Variants in AGA observed in about 807,000 individuals in gnomAD.
The protein encoded by AGA is aspartylglucosaminidase.
In AGA, 31 loss-of-function variants were observed where a neutral mutation model predicts 40.1. The ratio of observed to expected loss-of-function variants is 0.77; its 90% confidence interval spans 0.58 to 1.04. The LOEUF (loss-of-function observed/expected upper bound fraction) is 1.04. Among genes scored for constraint, AGA ranks in the 50% least tolerant of loss-of-function variants. The pLI is 0.00. For synonymous variants in AGA, 148 were observed against 144.0 expected, an observed-to-expected ratio of 1.03 and a Z score of -0.20; for missense variants, 445 against 435.4, an observed-to-expected ratio of 1.02 and a Z score of -0.20.
Position 177,433,358 on chromosome 4 carries a change from C to CA in AGA, c.807-12dup, listed in dbSNP as rs749999445. The CA allele has an allele frequency of 3.7e-5, 59 of 1,613,964 alleles. No homozygotes were observed. In the East Asian group the frequency reaches 1.3e-3, roughly 35 times the overall value. On this transcript the variant is annotated splice_polypyrimidine_tract_variant and intron_variant, in intron 7 of 8. Transcript: ENST00000264595. ...TCTACAGCTTGGTAGCTGATTGAAA[C>CA]AGAGGTGAAACCTTAGTGTCTCAGA...
At chr4:177,435,861 A>G (rs1050021314) in intron 6 of AGA, among the ~76,000 whole-genome samples, 18 of 151,356 alleles carry the variant, frequency 1.2e-4, no homozygotes, top group East Asian at 7.8e-4. Context: ...GCACACACAC[A>G]CACACACACA....
intron 7 of AGA, among the ~76,000 whole-genome samples, chr4:177,434,015 C>T (rs1736713157): frequency 6.6e-6 from 1 of 152,088 alleles, no homozygotes; most frequent in Non-Finnish European, 1.5e-5. Context: ...TTTCTTGAGA[C>T]ACAGTCTCAT....
intron 4 of AGA, 32 bp from the exon 5 acceptor site, chr4:177,437,551 A>C (rs1736865087): frequency 6.6e-7 from 1 of 1,506,122 alleles, no homozygotes; most frequent in Non-Finnish European, 9.2e-7. Context: ...TATTTCTTAC[A>C]AAGGGTATTT....
chr4:177,431,889 C>A, intron 8 of AGA, 81 bp from the exon 9 acceptor site: 1 of 1,189,192 alleles, frequency 8.4e-7, no homozygotes, highest in Admixed American at 1.9e-5. Context: ...GCTTATTTGA[C>A]TAGACACTGG....
At chr4:177,435,922 C>G (rs1230435149) in intron 6 of AGA, among the ~76,000 whole-genome samples, 1 of 152,090 alleles carries the variant, frequency 6.6e-6, no homozygotes, top group Non-Finnish European at 1.5e-5. Context: ...CACACATACA[C>G]ACACCCCAGT....
intron 8 of AGA, among the ~76,000 whole-genome samples, chr4:177,432,569 G>A (rs1736665337): frequency 6.6e-6 from 1 of 152,126 alleles, no homozygotes; most frequent in South Asian, 2.1e-4. Flanking sequence ...GGAAGTAAAA[G>A]ATCAAAGAAC....
At chr4:177,441,560 G>A (rs987968889) in intron 1 of AGA, among the ~76,000 whole-genome samples, 1 of 152,200 alleles carries the variant, frequency 6.6e-6, no homozygotes, top group Non-Finnish European at 1.5e-5. Flanking sequence ...GTCAGGGAAC[G>A]CTTCCTGGAA....
At position 177,431,186 on chromosome 4, in the gene AGA, T is replaced by C. The variant is rs1204357015; in HGVS notation, c.*522A>G. On this transcript the variant is annotated 3_prime_UTR_variant, in exon 9 of 9. Transcript: ENST00000264595. Reference sequence around the variant, plus strand: ...TAGTATGTACAAAACAAAGAGTATCTCATGTTCTATCATCTTCCTTCCTCA... The same window carrying C: ...TAGTATGTACAAAACAAAGAGTATCCCATGTTCTATCATCTTCCTTCCTCA... The C allele has an allele frequency of 4.6e-6, 2 of 439,416 alleles. No homozygotes were observed. The highest frequency in any genetic ancestry group is 3.3e-5 in the South Asian group (2 of 60,808). 27.2% of individuals were successfully genotyped at this position (439,416 alleles called of 1,614,324 possible).
At chr4:177,442,226 C>A (rs1227815943) in intron 1 of AGA, 23 bp downstream of exon 1, 1 of 1,612,606 alleles carries the variant, frequency 6.2e-7, no homozygotes, top group Admixed American at 1.7e-5. Flanking sequence ...GCGCAGCCGC[C>A]CGCCCAGGCC....
chr4:177,431,711 G>C lies in AGA; in HGVS notation c.1038C>G (p.Ile346Met). 2.5e-6 allele frequency: 4 copies of C among 1,606,714 alleles called. No individual in the cohort carries two copies. Among genetic ancestry groups the C allele is most frequent in the Non-Finnish European group, 3.4e-6 (4 of 1,173,426 alleles). Reference sequence around the variant, plus strand: ...AGATGTTGACAGTAAAGATGGATTAGATGCAGTCCACTTTTTCCTCAGTTG... The same window carrying C: ...AGATGTTGACAGTAAAGATGGATTACATGCAGTCCACTTTTTCCTCAGTTG... ...NQPTEEKVDC[I>M] Residue 346 changes from isoleucine to methionine, a missense_variant, in exon 9 of 9, where the codon ATC becomes ATG. Coordinates refer to ENST00000264595, the MANE Select transcript of AGA (RefSeq NM_000027.4).
chr4:177,442,104 A>G lies in AGA; in HGVS notation c.127+145T>C. 6 of 1,210,310 alleles carry G rather than the reference A, an allele frequency of 5.0e-6. No homozygotes were observed. In the South Asian group the frequency reaches 8.9e-5, roughly 18 times the overall value. The allele number at this position is 1,210,310 out of a possible 1,614,324, so 75.0% of individuals were successfully genotyped here. On this transcript the variant is annotated intron_variant, in intron 1 of 8. Coordinates refer to ENST00000264595, the MANE Select transcript of AGA (RefSeq NM_000027.4). ...GACTGAGCGGCGCTGGAGACTCGGG[A>G]AGACCTAGAGGGCGGGACCGCGAGG...
chr4:177,442,081 C>T (rs1399106067), intron 1 of AGA, among the ~76,000 whole-genome samples, 168 bp downstream of exon 1: 1 of 152,206 alleles, frequency 6.6e-6, no homozygotes, highest in African/African-American at 2.4e-5. Flanking sequence ...TTGCAAGAGA[C>T]TGAGCGGCGC....
rs1288248418 is a variant in AGA, at chr4:177,430,976, G to A, written c.*732C>T. 6.6e-6 allele frequency: 3 copies of A among 453,888 alleles called. No individual in the cohort carries two copies. The highest frequency in any genetic ancestry group is 1.3e-5 in the Non-Finnish European group (3 of 226,774). The allele number at this position is 453,888 out of a possible 1,614,324, so 28.1% of individuals were successfully genotyped here. ...ATACCCACCTCTGCACAAGGAATTA[G>A]TAAAATTACAGTACAGATCAAGTTC... is the stretch of plus-strand genomic sequence containing the variant. On this transcript the variant is annotated 3_prime_UTR_variant, in exon 9 of 9. Coordinates refer to ENST00000264595, the MANE Select transcript of AGA (RefSeq NM_000027.4).
Position 177,442,343 on chromosome 4 carries a change from G to A in AGA, c.33C>T (p.Leu11=), listed in dbSNP as rs763702713. 4.3e-6 allele frequency: 7 copies of A among 1,614,016 alleles called. No homozygotes were observed. The highest frequency in any genetic ancestry group is 2.2e-5 in the South Asian group (2 of 91,084). ...GGGCCTGGCAGAGCAGAAACGGCAC[G>A]AGAAGCACAGGCAAGTTCGACTTCC... The part of the protein sequence containing the change: MARKSNLPVL[L]VPFLLCQALV... The change falls in exon 1 of 9, where the codon CTC becomes CTT. Residue 11 remains leucine (L), a synonymous_variant. Coordinates refer to ENST00000264595, the MANE Select transcript of AGA (RefSeq NM_000027.4).
chr4:177,434,592 C>G, intron 6 of AGA, 103 bp from the exon 7 acceptor site: 1 of 918,716 alleles, frequency 1.1e-6, no homozygotes, highest in South Asian at 1.4e-5. Context: ...CCTCTGATAC[C>G]GTTTTAAGTA....
intron 2 of AGA, 69 bp downstream of exon 2, chr4:177,440,204 T>C: frequency 6.4e-7 from 1 of 1,572,826 alleles, no homozygotes; most frequent in South Asian, 1.1e-5. Context: ...TTCTTTCATC[T>C]TGCTCTCAGA....
chr4:177,432,457 C>T (rs1021159772), intron 8 of AGA, among the ~76,000 whole-genome samples: 2 of 152,110 alleles, frequency 1.3e-5, no homozygotes, highest in Admixed American at 6.5e-5. Context: ...TTATTTGATA[C>T]ATAAAGCTTT....
Position 177,438,969 on chromosome 4 carries a change from G to C in AGA, c.395-112C>G. 5 of 736,472 alleles carry C rather than the reference G, an allele frequency of 6.8e-6. No homozygotes were observed. The South Asian group carries it at 7.4e-5, about 11-fold the overall frequency. 45.6% of individuals were successfully genotyped at this position (736,472 alleles called of 1,614,324 possible). A position where few individuals can be genotyped will look rare whatever the true frequency, so the allele number is the denominator to read the frequency against. On this transcript the variant is annotated intron_variant, in intron 3 of 8. Transcript: ENST00000264595. ...CAGCATCTTAAGTGAGCTACACAAA[G>C]ACTTTCAAAGGAATATTCACACATG...
In AGA at chr4:177,442,366, T is replaced by G. The variant is rs149092606; in HGVS notation, c.10A>C (p.Lys4Gln). ...ACGAGAAGCACAGGCAAGTTCGACT[T>G]CCGCGCCATCCCTGACCACCGAAGA... MAR[K>Q]SNLPVLLVPF... The change falls in exon 1 of 9, where the codon AAG (lysine) becomes CAG (glutamine). Residue 4 changes from lysine to glutamine, a missense_variant. By Grantham distance (53) the Lys-to-Gln change is moderately conservative (BLOSUM62 1). Coordinates refer to ENST00000264595, the MANE Select transcript of AGA (RefSeq NM_000027.4). 344 of 1,613,972 alleles carry G rather than the reference T, an allele frequency of 2.1e-4. 1 individual carries two copies. The African/African-American group carries it at 4.2e-3, about 20-fold the overall frequency.
Sources: allele counts gnomAD v4.1 joint callset (sites outside exome capture counted in the v4.1 genomes callset), GRCh38; gene constraint gnomAD v4.1.1; transcripts MANE v1.5; gene names NCBI Gene and HGNC (gene_info 2026-07-23, HGNC 2026-07-21).